The following WWOX variants were observed in gnomAD, a reference collection of about 807,000 sequenced individuals.
The protein encoded by WWOX is WW domain containing oxidoreductase.
WWOX carries 69 observed loss-of-function variants against 46.2 expected under a neutral mutation model. The observed-to-expected ratio is 1.49, with a 90% CI of 1.23 to 1.82. The LOEUF is 1.82. Among genes scored for constraint, WWOX ranks in the 40% most tolerant of loss-of-function variants. The pLI is 0.00. For synonymous variants in WWOX, 359 were observed against 202.6 expected (o/e 1.77, Z -6.56); for missense variants, 919 against 542.6 (o/e 1.69, Z -6.89).
intron 8 of WWOX, among the ~76,000 whole-genome samples, chr16:78,841,058 G>A (rs943243517): frequency 1.3e-5 from 2 of 152,040 alleles, no homozygotes; most frequent in Admixed American, 6.6e-5. Context: ...AACTGCCCTC[G>A]TCCCGGTAAC....
At chr16:78,997,799 A>G (rs942011385) in intron 8 of WWOX, among the ~76,000 whole-genome samples, 2 of 152,206 alleles carry the variant, frequency 1.3e-5, no homozygotes. Context: ...GGGGACCGGA[A>G]TAGATTTTCT....
intron 8 of WWOX, among the ~76,000 whole-genome samples, chr16:78,469,164 A>ACATGCTTGTTT (rs1477615961): frequency 6.6e-6 from 1 of 152,196 alleles, no homozygotes; most frequent in African/African-American, 2.4e-5. Context: ...AGAAGTCACC[A>ACATGCTTGTTT]CATGCTTGTT....
chr16:79,098,491 C>T (rs540776816), intron 8 of WWOX, among the ~76,000 whole-genome samples: 3 of 152,258 alleles, frequency 2.0e-5, no homozygotes, highest in African/African-American at 7.2e-5. Flanking sequence ...TCATTGGAAT[C>T]TTCTTCACCC....
intron 5 of WWOX, among the ~76,000 whole-genome samples, chr16:78,328,271 G>C (rs148478734): frequency 2.6e-5 from 4 of 152,098 alleles, no homozygotes; most frequent in Non-Finnish European, 5.9e-5. Context: ...TGGAATTGTC[G>C]TGGTCTTGTT....
chr16:78,653,454 G>A (rs1056997607), intron 8 of WWOX, among the ~76,000 whole-genome samples: 1 of 152,222 alleles, frequency 6.6e-6, no homozygotes, highest in Non-Finnish European at 1.5e-5. Context: ...TTCCTTGCCA[G>A]TGATTGGTTT....
intron 5 of WWOX, among the ~76,000 whole-genome samples, chr16:78,307,268 C>G (rs762398478): frequency 7.2e-5 from 11 of 152,136 alleles, no homozygotes; most frequent in Non-Finnish European, 1.5e-4. Flanking sequence ...GTTTCTTGAA[C>G]AAGTGAATAG....
At chr16:78,271,653 T>C (rs572385638) in intron 5 of WWOX, among the ~76,000 whole-genome samples, 35 of 152,224 alleles carry the variant, frequency 2.3e-4, no homozygotes, top group Non-Finnish European at 4.0e-4. Flanking sequence ...TGGGAGGTTT[T>C]CTCTCATCCT....
Position 78,922,536 on chromosome 16 carries a change from A to G in WWOX, c.1057-289072A>G, listed in dbSNP as rs1034414218. On this transcript the variant is annotated intron_variant, in intron 8 of 8. Coordinates refer to ENST00000566780, the MANE Select transcript of WWOX (RefSeq NM_016373.4). ...TGGGATTACAGGCATGCACAACAAC[A>G]CCCAGCTAATTTTTGTATTTTTAGT... Among the ~76,000 whole-genome samples the G allele has an allele frequency of 3.9e-5, 6 of 151,960 alleles. No homozygotes were observed. The South Asian group carries it at 1.3e-3, about 32-fold the overall frequency.
intron 5 of WWOX, among the ~76,000 whole-genome samples, chr16:78,208,367 T>C (rs1305178993): frequency 2.0e-5 from 3 of 152,170 alleles, no homozygotes; most frequent in Non-Finnish European, 4.4e-5. Context: ...CTTGGTCCTT[T>C]AGGAGTCATA....
intron 8 of WWOX, among the ~76,000 whole-genome samples, chr16:78,660,420 C>T (rs1380176589): frequency 6.6e-6 from 1 of 152,040 alleles, no homozygotes; most frequent in Non-Finnish European, 1.5e-5. Flanking sequence ...TGGAAGGGGC[C>T]ACTTAACACA....
chr16:78,877,637 T>A (rs939894610), intron 8 of WWOX, among the ~76,000 whole-genome samples: 1 of 152,188 alleles, frequency 6.6e-6, no homozygotes, highest in Non-Finnish European at 1.5e-5. Context: ...GACATAGACA[T>A]ACATGAGTTT....
intron 8 of WWOX, among the ~76,000 whole-genome samples, chr16:78,866,963 T>C (rs925591480): frequency 2.0e-5 from 3 of 152,214 alleles, no homozygotes; most frequent in Non-Finnish European, 4.4e-5. Context: ...TGCATAAATA[T>C]GATAGCCAAA....
At chr16:79,152,094 A>C (rs888886317) in intron 8 of WWOX, among the ~76,000 whole-genome samples, 6 of 152,212 alleles carry the variant, frequency 3.9e-5, no homozygotes, top group Admixed American at 2.6e-4. Context: ...AATACTATTG[A>C]GAAGTTTATC....
chr16:78,487,727 T>C (rs2084674541), intron 8 of WWOX, among the ~76,000 whole-genome samples: 1 of 152,176 alleles, frequency 6.6e-6, no homozygotes, highest in Non-Finnish European at 1.5e-5. Context: ...GGCAAATGTC[T>C]GGCCTTCTGG....
intron 8 of WWOX, among the ~76,000 whole-genome samples, chr16:79,114,420 A>G (rs1422986928): frequency 6.6e-6 from 1 of 151,406 alleles, no homozygotes; most frequent in African/African-American, 2.4e-5. Context: ...ACCTACATGC[A>G]TGCACATACC....
At chr16:78,421,826 C>G (rs925211085) in intron 6 of WWOX, among the ~76,000 whole-genome samples, 2 of 152,166 alleles carry the variant, frequency 1.3e-5, no homozygotes, top group African/African-American at 4.8e-5. Context: ...ATGATATTAA[C>G]TGTGCAATTT....
intron 5 of WWOX, among the ~76,000 whole-genome samples, chr16:78,312,655 A>G (rs1286432589): frequency 2.0e-5 from 3 of 152,212 alleles, no homozygotes; most frequent in Non-Finnish European, 4.4e-5. Context: ...GATTACAGGC[A>G]TGAGCCACTG....
intron 8 of WWOX, among the ~76,000 whole-genome samples, chr16:78,869,376 C>G (rs1204699851): frequency 6.6e-6 from 1 of 152,122 alleles, no homozygotes; most frequent in Non-Finnish European, 1.5e-5. Flanking sequence ...CCTGTTTTTC[C>G]TACTCAAAAT....
At chr16:78,432,140 C>A (rs1211708095) in intron 7 of WWOX, among the ~76,000 whole-genome samples, 9 of 148,164 alleles carry the variant, frequency 6.1e-5, no homozygotes, top group Non-Finnish European at 1.0e-4. Flanking sequence ...TTTTTTGAGA[C>A]CGAGTCTAGC....
Sources: gnomAD v4.1 joint callset for allele counts (sites outside exome capture counted in the v4.1 genomes callset) on GRCh38, gnomAD v4.1.1 for gene constraint, MANE v1.5 for transcripts, NCBI Gene and HGNC (gene_info 2026-07-23, HGNC 2026-07-21) for gene names.